LCLAT1: variants seen among roughly 807,000 people sequenced by gnomAD.
LCLAT1 encodes the protein 1-AGP acyltransferase 8.
LCLAT1 carries 11 observed loss-of-function variants against 30.7 expected under a neutral mutation model. The observed-to-expected ratio is 0.36, with a 90% CI of 0.23 to 0.59. The LOEUF (loss-of-function observed/expected upper bound fraction) is 0.59. Ranked by LOEUF, LCLAT1 falls within the 20% of genes least tolerant of loss-of-function variation. LCLAT1 has a pLI of 0.77. For missense variants in LCLAT1, 402 were observed against 458.6 expected (o/e 0.88, Z 1.13); for synonymous variants, 155 against 151.3 (o/e 1.02, Z -0.18).
intron 1 of LCLAT1, among the ~76,000 whole-genome samples, chr2:30,484,967 T>A (rs1222617562): frequency 6.6e-6 from 1 of 152,156 alleles, no homozygotes; most frequent in Admixed American, 6.5e-5. Flanking sequence ...GTGTTAAATT[T>A]TTTAAAAACA....
In LCLAT1 at chr2:30,640,737, TTGTTAA is replaced by T; in HGVS notation, c.*119_*124del. Reference sequence around the variant, plus strand: ...GAATATTTCTTACTGCCATCATTATTTGTTAAAGATATTTTGCACTTAATTTTGTGG... The same window carrying T: ...GAATATTTCTTACTGCCATCATTATTAGATATTTTGCACTTAATTTTGTGG... On this transcript the variant is annotated 3_prime_UTR_variant, in exon 6 of 6. Coordinates refer to ENST00000379509, the MANE Select transcript of LCLAT1 (RefSeq NM_001002257.3). 5 of 1,243,740 alleles carry T rather than the reference TTGTTAA, an allele frequency of 4.0e-6. No individual in the cohort carries two copies. The highest frequency in any genetic ancestry group is 5.5e-6 in the Non-Finnish European group (5 of 910,126). The allele number at this position is 1,243,740 out of a possible 1,614,324, so 77.0% of individuals were successfully genotyped here.
chr2:30,474,956 A>G (rs1464305336), intron 1 of LCLAT1, among the ~76,000 whole-genome samples: 3 of 151,656 alleles, frequency 2.0e-5, no homozygotes, highest in African/African-American at 7.3e-5. Context: ...CTGGCCTTAA[A>G]TTTGTTAGTT....
At chr2:30,547,360 C>G (rs962769511) in intron 3 of LCLAT1, among the ~76,000 whole-genome samples, 5 of 152,210 alleles carry the variant, frequency 3.3e-5, no homozygotes, top group Admixed American at 1.3e-4. Flanking sequence ...CCTTCTTCCT[C>G]TGTGTTATTC....
chr2:30,496,785 C>T (rs569314056), intron 1 of LCLAT1, among the ~76,000 whole-genome samples: 74 of 152,268 alleles, frequency 4.9e-4, no homozygotes, highest in African/African-American at 1.5e-3. Flanking sequence ...CTAACAAGCA[C>T]GTACCTGCCC....
Position 30,605,987 on chromosome 2 carries a change from T to TGCTCCCC in LCLAT1, c.629-34129_629-34123dup, listed in dbSNP as rs752484149. ...GGTTCTTGCTACCATGAGAATCTAA[T>TGCTCCCC]GCTCCCCACTCCCCACTCTGTTGAT... On this transcript the variant is annotated intron_variant, in intron 5 of 5. Transcript: ENST00000379509. 10 of 1,280,974 alleles carry TGCTCCCC rather than the reference T, an allele frequency of 7.8e-6. No individual in the cohort carries two copies. In the South Asian group the frequency reaches 1.2e-4, roughly 15 times the overall value. 79.4% of individuals were successfully genotyped at this position (1,280,974 alleles called of 1,614,324 possible).
chr2:30,536,455 T>C (rs889037181), intron 3 of LCLAT1, among the ~76,000 whole-genome samples: 3 of 152,184 alleles, frequency 2.0e-5, no homozygotes, highest in Admixed American at 6.5e-5. Context: ...GCAGAAACTT[T>C]ACAGGCCAGG....
intron 3 of LCLAT1, among the ~76,000 whole-genome samples, chr2:30,537,550 G>A (rs892675864): frequency 1.0e-4 from 13 of 130,596 alleles, no homozygotes; most frequent in Admixed American, 6.5e-4. Flanking sequence ...ACACACGCAC[G>A]CACACCAAAC....
intron 3 of LCLAT1, among the ~76,000 whole-genome samples, chr2:30,550,640 T>C (rs894192801): frequency 6.6e-6 from 1 of 152,170 alleles, no homozygotes; most frequent in Admixed American, 6.5e-5. Context: ...TCACTGGTGA[T>C]GTTAATCTTA....
In LCLAT1 at chr2:30,640,126, T is replaced by G; in HGVS notation, c.638T>G (p.Leu213Arg). The G allele has an allele frequency of 1.2e-6, 2 of 1,610,620 alleles. No individual in the cohort carries two copies. The highest frequency in any genetic ancestry group is 1.3e-5 in the African/African-American group (1 of 74,948). ...TCTTTTCGAAACCCAGGTAAGAACCTTGATGCTGTCCATGATATCACTGTG... is the reference window on the plus strand; with the variant it reads ...TCTTTTCGAAACCCAGGTAAGAACCGTGATGCTGTCCATGATATCACTGTG... The part of the protein sequence containing the change: ...VVDRLREGKN[L>R]DAVHDITVAY... Residue 213 changes from leucine (L) to arginine (R), a missense_variant, in exon 6 of 6, where the codon CTT becomes CGT. Leu to Arg is a moderately radical substitution (Grantham distance 102, BLOSUM62 -2). Transcript: ENST00000379509.
chr2:30,559,832 CTT>C (rs1466976549), intron 3 of LCLAT1, among the ~76,000 whole-genome samples: 2 of 152,170 alleles, frequency 1.3e-5, no homozygotes, highest in East Asian at 1.9e-4. Flanking sequence ...AATAGGAACT[CTT>C]TTGTTACATT....
At chr2:30,534,422 C>T (rs1489589538) in intron 3 of LCLAT1, among the ~76,000 whole-genome samples, 7 of 152,058 alleles carry the variant, frequency 4.6e-5, no homozygotes, top group Non-Finnish European at 7.4e-5. Flanking sequence ...GGACCACAGG[C>T]GCCAGCCACC....
chr2:30,502,242 A>C (rs546759977), intron 1 of LCLAT1, among the ~76,000 whole-genome samples: 25 of 152,176 alleles, frequency 1.6e-4, no homozygotes, highest in African/African-American at 5.1e-4. Context: ...CTTGTTTCTA[A>C]TTTGTAAGGT....
chr2:30,589,172 A>T lies in LCLAT1; in HGVS notation c.628+20996A>T, dbSNP rs149586481. Among the ~76,000 whole-genome samples, 32 of 152,350 alleles carry T rather than the reference A, an allele frequency of 2.1e-4. No individual in the cohort carries two copies. In the East Asian group the frequency reaches 5.6e-3, roughly 27 times the overall value. Reference sequence around the variant, plus strand: ...GGTTCACTTGGGAATTCCTACAGACATAGTTCTTTCATGACAGTAAACTTG... The same window carrying T: ...GGTTCACTTGGGAATTCCTACAGACTTAGTTCTTTCATGACAGTAAACTTG... On this transcript the variant is annotated intron_variant, in intron 5 of 5. Coordinates refer to ENST00000379509, the MANE Select transcript of LCLAT1 (RefSeq NM_001002257.3).
Position 30,459,813 on chromosome 2 carries a change from C to T in LCLAT1, c.-5+12430C>T, listed in dbSNP as rs1331664552. Reference sequence around the variant, plus strand: ...CTTTTTGAATTGATCATAGTTTGTTCCTGTTTATGTTGTATTGTTGACATG... The same window carrying T: ...CTTTTTGAATTGATCATAGTTTGTTTCTGTTTATGTTGTATTGTTGACATG... On this transcript the variant is annotated intron_variant, in intron 1 of 5. Transcript: ENST00000379509. 4.7e-6 allele frequency: 4 copies of T among 856,196 alleles called. No individual in the cohort carries two copies. In the East Asian group the frequency reaches 7.3e-5, roughly 16 times the overall value. 53.0% of individuals were successfully genotyped at this position (856,196 alleles called of 1,614,324 possible).
At chr2:30,580,303 T>C (rs1303807839) in intron 5 of LCLAT1, among the ~76,000 whole-genome samples, 1 of 152,184 alleles carries the variant, frequency 6.6e-6, no homozygotes, top group Non-Finnish European at 1.5e-5. Flanking sequence ...ATTTGTAAGG[T>C]TGGATATCCA....
At chr2:30,633,489 C>A (rs1668866827) in intron 5 of LCLAT1, among the ~76,000 whole-genome samples, 1 of 152,058 alleles carries the variant, frequency 6.6e-6, no homozygotes, top group African/African-American at 2.4e-5. Flanking sequence ...GAGATCAAGA[C>A]CATCCTGGCC....
At chr2:30,632,277 AAAC>A (rs758679023) in intron 5 of LCLAT1, among the ~76,000 whole-genome samples, 42 of 152,350 alleles carry the variant, frequency 2.8e-4, no homozygotes, top group South Asian at 2.1e-4. Context: ...ACTTAATAAA[AAAC>A]AACAACAACA....
At chr2:30,448,359 A>G (rs1558442476) in intron 1 of LCLAT1, among the ~76,000 whole-genome samples, 1 of 152,182 alleles carries the variant, frequency 6.6e-6, no homozygotes, top group South Asian at 2.1e-4. Context: ...TGTAAAACAT[A>G]TTTTTTGAGA....
intron 1 of LCLAT1, among the ~76,000 whole-genome samples, chr2:30,523,215 G>C (rs1572567534): frequency 6.6e-6 from 1 of 151,594 alleles, no homozygotes; most frequent in African/African-American, 2.4e-5. Context: ...GGGGCGGGGT[G>C]GGTGTATAAA....
Sources: allele counts gnomAD v4.1 joint callset (sites outside exome capture counted in the v4.1 genomes callset), GRCh38; gene constraint gnomAD v4.1.1; transcripts MANE v1.5; gene names NCBI Gene and HGNC (gene_info 2026-07-23, HGNC 2026-07-21).